The following WNK1 variants were observed in gnomAD, a reference collection of about 807,000 sequenced individuals.
WNK1 encodes WNK lysine deficient protein kinase 1.
WNK1 carries 38 observed loss-of-function variants against 222.8 expected under a neutral mutation model. The ratio of observed to expected loss-of-function variants is 0.17; its 90% confidence interval spans 0.13 to 0.22. The LOEUF (loss-of-function observed/expected upper bound fraction) is 0.22, where lower values mean the gene tolerates loss of function less well. Among genes scored for constraint, WNK1 ranks in the 10% least tolerant of loss-of-function variants. The pLI, the probability that WNK1 is intolerant of heterozygous loss-of-function variation, is 1.00. For missense variants in WNK1, 2,348 were observed against 2,918.4 expected, an observed-to-expected ratio of 0.80 and a Z score of 4.50; for synonymous variants, 1,090 against 1,092.9, an observed-to-expected ratio of 1.00 and a Z score of 0.05.
At chr12:860,235 TA>T (rs1344470854) in intron 6 of WNK1, among the ~76,000 whole-genome samples, 1 of 152,226 alleles carries the variant, frequency 6.6e-6, no homozygotes, top group Non-Finnish European at 1.5e-5. Flanking sequence ...ATGAACTCTA[TA>T]AACAGACATA....
intron 1 of WNK1, among the ~76,000 whole-genome samples, chr12:796,863 A>G (rs922244802): frequency 1.4e-5 from 2 of 144,090 alleles, no homozygotes; most frequent in East Asian, 2.3e-4. Flanking sequence ...TTCCACACCA[A>G]TGCAAGCATG....
At chr12:888,104 G>A (rs994887555) in intron 20 of WNK1, among the ~76,000 whole-genome samples, 5 of 152,218 alleles carry the variant, frequency 3.3e-5, no homozygotes, top group Admixed American at 6.5e-5. Context: ...CATGAGACAA[G>A]CCAGTAAACT....
chr12:820,332 T>C (rs1038725314), intron 2 of WNK1, among the ~76,000 whole-genome samples: 1 of 152,216 alleles, frequency 6.6e-6, no homozygotes, highest in Non-Finnish European at 1.5e-5. Context: ...TGAAATTGTT[T>C]TCTTAATTTC....
Position 889,128 on chromosome 12 carries a change from G to A in WNK1, c.5365-12G>A. The A allele has an allele frequency of 6.2e-7, 1 of 1,612,586 alleles. No homozygotes were observed. Among genetic ancestry groups the A allele is most frequent in the East Asian group, 2.2e-5 (1 of 44,858 alleles). ...CCACGGAACTGTATTTACTGTGATT[G>A]TTTTCATTCAGTCCCAGCAACCTCT... On this transcript the variant is annotated splice_polypyrimidine_tract_variant and intron_variant, in intron 20 of 27. Transcript: ENST00000315939.
At chr12:799,330 CCT>C (rs1458227606) in intron 1 of WNK1, among the ~76,000 whole-genome samples, 1 of 151,448 alleles carries the variant, frequency 6.6e-6, no homozygotes, top group Non-Finnish European at 1.5e-5. Context: ...GGGGTTTTAC[CCT>C]GTTTCCCAGG....
chr12:859,657 G>T (rs1172772403), intron 6 of WNK1, among the ~76,000 whole-genome samples, 193 bp downstream of exon 6: 1 of 83,368 alleles, frequency 1.2e-5, no homozygotes. Flanking sequence ...AAACTTCTTT[G>T]TATTGCTTTT....
intron 1 of WNK1, among the ~76,000 whole-genome samples, chr12:791,220 TCTCA>T (rs1944798420): frequency 2.2e-5 from 3 of 138,424 alleles, no homozygotes; most frequent in Non-Finnish European, 3.2e-5. Flanking sequence ...TTACTATTTC[TCTCA>T]CCACACACAC....
At chr12:891,129 T>C (rs536435669) in intron 22 of WNK1, among the ~76,000 whole-genome samples, 1 of 152,284 alleles carries the variant, frequency 6.6e-6, no homozygotes, top group East Asian at 1.9e-4. Flanking sequence ...TTTCAAATCA[T>C]TGGAAGATGG....
intron 1 of WNK1, among the ~76,000 whole-genome samples, chr12:786,657 G>C (rs111511516): frequency 0.027 from 4,063 of 152,088 alleles, 83 homozygotes; most frequent in Non-Finnish European, 0.038. Flanking sequence ...AGTAGCGACA[G>C]GGTTTCATCA....
chr12:816,914 A>T (rs140415101), intron 2 of WNK1, among the ~76,000 whole-genome samples: 1 of 152,332 alleles, frequency 6.6e-6, no homozygotes, highest in East Asian at 1.9e-4. Flanking sequence ...GTCAGTAAAG[A>T]TATTTGTAAG....
intron 9 of WNK1, among the ~76,000 whole-genome samples, chr12:871,666 A>T (rs1221957122): frequency 6.6e-6 from 1 of 151,918 alleles, no homozygotes; most frequent in African/African-American, 2.4e-5. Context: ...GCAGTGGTGC[A>T]ATCTTAGCTC....
At chr12:754,590 T>C (rs1014932700) in intron 1 of WNK1, among the ~76,000 whole-genome samples, 2 of 152,232 alleles carry the variant, frequency 1.3e-5, no homozygotes, top group Admixed American at 1.3e-4. Context: ...AATTGTCTCC[T>C]GGTTTAGAGT....
Position 813,829 on chromosome 12 carries a change from A to G in WNK1, c.932+15A>G. 3 of 1,613,072 alleles carry G rather than the reference A, an allele frequency of 1.9e-6. No individual in the cohort carries two copies. Among genetic ancestry groups the G allele is most frequent in the Non-Finnish European group, 2.5e-6 (3 of 1,179,458 alleles). On this transcript the variant is annotated intron_variant, in intron 2 of 27. Transcript: ENST00000315939. ...ACACTTAAAACGTAAGTTCATCAGT[A>G]TTACAAAAGCTGACCAAGAAGTATG...
Position 886,030 on chromosome 12 carries a change from A to C in WNK1, c.5226A>C (p.Thr1742=). 6.2e-7 allele frequency: 1 copy of C among 1,600,190 alleles called. No homozygotes were observed. Among genetic ancestry groups the C allele is most frequent in the Non-Finnish European group, 8.5e-7 (1 of 1,175,612 alleles). The change falls in exon 19 of 28, where the codon ACA becomes ACC. Residue 1742 remains threonine, a synonymous_variant. Coordinates refer to ENST00000315939, the MANE Select transcript of WNK1 (RefSeq NM_018979.4). Reference sequence around the variant, plus strand: ...TTTCTACCCCAGTCAGCACTACTACATCAGGAGTGAAACCTGGAACTGCTC... The same window carrying C: ...TTTCTACCCCAGTCAGCACTACTACCTCAGGAGTGAAACCTGGAACTGCTC... ...GQVSTPVSTT[T]SGVKPGTAPS... is the part of the protein sequence containing the mutation.
intron 1 of WNK1, among the ~76,000 whole-genome samples, chr12:783,647 A>T (rs1943957257): frequency 1.2e-5 from 1 of 86,842 alleles, no homozygotes; most frequent in Non-Finnish European, 2.3e-5. Context: ...AAAAAAAAAA[A>T]ATTATCCAGG....
chr12:897,781 TCAAA>T, intron 25 of WNK1, 100 bp downstream of exon 25: 1 of 1,309,194 alleles, frequency 7.6e-7, no homozygotes, highest in Non-Finnish European at 1.1e-6. Context: ...TTGTTAAATT[TCAAA>T]GGAATTTGGC....
chr12:825,948 A>G (rs761007022), intron 2 of WNK1, among the ~76,000 whole-genome samples: 2 of 152,202 alleles, frequency 1.3e-5, no homozygotes, highest in African/African-American at 2.4e-5. Flanking sequence ...TATCTTTTCT[A>G]CAGTGGGTAG....
chr12:875,045 C>A (rs1373273017), intron 9 of WNK1, among the ~76,000 whole-genome samples: 2 of 152,084 alleles, frequency 1.3e-5, no homozygotes, highest in Non-Finnish European at 2.9e-5. Flanking sequence ...AAAAATTATA[C>A]TGTGAGCAAT....
At chr12:825,688 A>G (rs1440063491) in intron 2 of WNK1, among the ~76,000 whole-genome samples, 1 of 152,224 alleles carries the variant, frequency 6.6e-6, no homozygotes, top group African/African-American at 2.4e-5. Flanking sequence ...ACCTCAACAA[A>G]TAGAGAATAT....
Sources: gnomAD v4.1 joint callset for allele counts (sites outside exome capture counted in the v4.1 genomes callset) on GRCh38, gnomAD v4.1.1 for gene constraint, MANE v1.5 for transcripts, NCBI Gene and HGNC (gene_info 2026-07-23, HGNC 2026-07-21) for gene names.